Variants in TENM2 observed in about 807,000 individuals in gnomAD.
The protein encoded by TENM2 is teneurin transmembrane protein 2.
TENM2 carries 52 observed loss-of-function variants against 245.2 expected under a neutral mutation model. The observed-to-expected ratio is 0.21, with a 90% confidence interval of 0.17 to 0.27. The LOEUF is 0.27. Among genes scored for constraint, TENM2 ranks in the 10% least tolerant of loss-of-function variants. The pLI is 1.00. For synonymous variants in TENM2, 1,363 were observed against 1,438.9 expected, an observed-to-expected ratio of 0.95 and a Z score of 1.19; for missense variants, 3,046 against 3,666.8, an observed-to-expected ratio of 0.83 and a Z score of 4.37.
At chr5:167,409,481 T>C (rs909704370) in intron 2 of TENM2, among the ~76,000 whole-genome samples, 1 of 152,008 alleles carries the variant, frequency 6.6e-6, no homozygotes, top group Admixed American at 6.6e-5. Flanking sequence ...ATTGTTAAGT[T>C]AATAAGCAGC....
chr5:167,182,662 C>G, the TENM2 span, among the ~76,000 whole-genome samples: 1 of 151,938 alleles, frequency 6.6e-6, no homozygotes, highest in Non-Finnish European at 1.5e-5. Context: ...AGAGAAGTAA[C>G]TTTTTTATTT....
At chr5:168,119,702 A>G (rs1345320107) in intron 10 of TENM2, among the ~76,000 whole-genome samples, 1 of 152,086 alleles carries the variant, frequency 6.6e-6, no homozygotes, top group African/African-American at 2.4e-5. Context: ...CTCTAAGTCC[A>G]TCTCCCAGTG....
intron 2 of TENM2, among the ~76,000 whole-genome samples, chr5:167,388,743 A>G (rs1009617191): frequency 2.0e-5 from 3 of 151,850 alleles, no homozygotes; most frequent in African/African-American, 7.3e-5. Context: ...TTCCATCGCG[A>G]TTTCATTTTT....
Position 167,799,210 on chromosome 5 carries a change from C to T in TENM2, c.503-76776C>T, listed in dbSNP as rs1483701274. On this transcript the variant is annotated intron_variant, in intron 2 of 28. Transcript: ENST00000518659. Reference sequence around the variant, plus strand: ...CCAGCAGGGTAAATGGCAGAGCCTTCCTCTGGGTATGTAAATGCAGGGGAG... The same window carrying T: ...CCAGCAGGGTAAATGGCAGAGCCTTTCTCTGGGTATGTAAATGCAGGGGAG... 3.3e-5 allele frequency among the ~76,000 whole-genome samples: 5 copies of T among 152,154 alleles called. No individual in the cohort carries two copies. The East Asian group carries it at 9.7e-4, about 29-fold the overall frequency.
At chr5:167,577,656 A>G (rs1774798348) in intron 2 of TENM2, among the ~76,000 whole-genome samples, 1 of 152,116 alleles carries the variant, frequency 6.6e-6, no homozygotes, top group South Asian at 2.1e-4. Flanking sequence ...AAGCTACACA[A>G]CTTGGTGGGA....
chr5:168,096,224 A>T (rs557092228), intron 8 of TENM2, among the ~76,000 whole-genome samples: 18 of 152,254 alleles, frequency 1.2e-4, no homozygotes, highest in Non-Finnish European at 2.1e-4. Context: ...AGACATTCAG[A>T]AACATGACAG....
At chr5:167,739,528 T>C (rs1358374169) in intron 2 of TENM2, among the ~76,000 whole-genome samples, 3 of 151,994 alleles carry the variant, frequency 2.0e-5, no homozygotes, top group African/African-American at 7.3e-5. Flanking sequence ...ACTCCCTAAA[T>C]GGGAAAAAAG....
Position 167,950,541 on chromosome 5 carries a change from C to T in TENM2, c.713-2047C>T, listed in dbSNP as rs148876351. ...GCAGGTTCTCACTTGTGCACTGACC[C>T]GCCCCATCTTCCTGAGGCAAGTCTC... On this transcript the variant is annotated intron_variant, in intron 3 of 28. Coordinates refer to ENST00000518659, the Ensembl canonical transcript of TENM2. Among the ~76,000 whole-genome samples the T allele has an allele frequency of 8.5e-4, 129 of 152,132 alleles. 1 individual carries two copies. Among genetic ancestry groups the T allele is most frequent in the African/African-American group, 2.9e-3 (120 of 41,510 alleles).
chr5:167,995,662 G>C (rs1015017336), intron 5 of TENM2, among the ~76,000 whole-genome samples: 1 of 152,080 alleles, frequency 6.6e-6, no homozygotes, highest in African/African-American at 2.4e-5. Context: ...TTGCCTTCTG[G>C]GTCTTGGTTT....
At chr5:167,468,368 A>G (rs1438887068) in intron 2 of TENM2, among the ~76,000 whole-genome samples, 1 of 152,210 alleles carries the variant, frequency 6.6e-6, no homozygotes, top group Non-Finnish European at 1.5e-5. Context: ...TGTGCATGCT[A>G]CTCTTAGAAG....
At chr5:167,127,063 A>G in the TENM2 span, among the ~76,000 whole-genome samples, 2 of 151,954 alleles carry the variant, frequency 1.3e-5, no homozygotes, top group African/African-American at 4.8e-5. Flanking sequence ...CTAGAACCTA[A>G]GGCTTCTCAC....
intron 23 of TENM2, among the ~76,000 whole-genome samples, chr5:168,224,318 C>T (rs892494358): frequency 1.2e-4 from 19 of 152,176 alleles, no homozygotes; most frequent in Admixed American, 1.3e-4. Context: ...ATCCTGAGCT[C>T]ACAGACATTC....
At chr5:168,021,404 T>C (rs1030279834) in intron 5 of TENM2, among the ~76,000 whole-genome samples, 3 of 152,234 alleles carry the variant, frequency 2.0e-5, no homozygotes, top group African/African-American at 7.2e-5. Flanking sequence ...CCATGGTGGC[T>C]GTTCTTACCT....
the TENM2 span, among the ~76,000 whole-genome samples, chr5:167,012,436 C>T: frequency 6.6e-6 from 1 of 152,130 alleles, no homozygotes; most frequent in African/African-American, 2.4e-5. Flanking sequence ...AAGATAATTT[C>T]AAATAGTAAC....
chr5:167,789,226 C>T (rs1764783661), intron 2 of TENM2, among the ~76,000 whole-genome samples: 1 of 152,122 alleles, frequency 6.6e-6, no homozygotes, highest in Non-Finnish European at 1.5e-5. Flanking sequence ...TTTTCTTTTC[C>T]TGGTCTCTGT....
intron 19 of TENM2, among the ~76,000 whole-genome samples, chr5:168,209,436 T>C (rs1390477963): frequency 6.6e-6 from 1 of 152,226 alleles, no homozygotes; most frequent in Non-Finnish European, 1.5e-5. Flanking sequence ...GACATTCCTA[T>C]TCAAGAATGG....
chr5:167,526,257 C>T lies in TENM2; in HGVS notation c.502+150784C>T, dbSNP rs60694494. Among the ~76,000 whole-genome samples the T allele has an allele frequency of 3.2e-3, 493 of 151,866 alleles. 25 individuals are homozygous for T. The South Asian group carries it at 0.082, about 25-fold the overall frequency. ...AATAGGGAAGCAAGGATATTTAAAA[C>T]TGGGATAATAGAGGTCATCTCTGAA... On this transcript the variant is annotated intron_variant, in intron 2 of 28. Transcript: ENST00000518659.
At chr5:167,358,873 C>T (rs1405303428) in intron 1 of TENM2, among the ~76,000 whole-genome samples, 1 of 150,328 alleles carries the variant, frequency 6.7e-6, no homozygotes. Context: ...TTACAGCCTA[C>T]CCCATCTCAA....
chr5:167,479,765 G>A (rs529914497), intron 2 of TENM2, among the ~76,000 whole-genome samples: 2 of 152,272 alleles, frequency 1.3e-5, no homozygotes, highest in Admixed American at 6.5e-5. Context: ...ATCATTGCAA[G>A]TTCATTCCCT....
Sources: gnomAD v4.1 joint callset for allele counts (sites outside exome capture counted in the v4.1 genomes callset) on GRCh38, gnomAD v4.1.1 for gene constraint, MANE v1.5 for transcripts, NCBI Gene and HGNC (gene_info 2026-07-23, HGNC 2026-07-21) for gene names.